Variants in RXRA observed in about 807,000 individuals in gnomAD.
RXRA encodes retinoic acid receptor RXR-alpha.
A neutral mutation model predicts 44.5 loss-of-function variants in RXRA; 5 were observed. That is an observed-to-expected ratio of 0.11 (90% CI 0.06 to 0.24). The LOEUF (loss-of-function observed/expected upper bound fraction) is 0.24, where lower values mean the gene tolerates loss of function less well. Among genes scored for constraint, RXRA ranks in the 10% least tolerant of loss-of-function variants. RXRA has a pLI of 1.00. For missense variants in RXRA, 412 were observed against 646.5 expected (o/e 0.64, Z 3.93); for synonymous variants, 291 against 271.4 (o/e 1.07, Z -0.71).
chr9:134,362,728 A>C (rs1289529953), intron 1 of RXRA, among the ~76,000 whole-genome samples: 1 of 152,100 alleles, frequency 6.6e-6, no homozygotes, highest in Non-Finnish European at 1.5e-5. Flanking sequence ...GGCCCCCACG[A>C]GTGTACCCAG....
rs13295423 is a variant in RXRA, at chr9:134,345,653, A to G, written c.28+18994A>G. Among the ~76,000 whole-genome samples, 1,194 of 152,308 alleles carry G rather than the reference A, an allele frequency of 7.8e-3. 7 individuals carry two copies. The highest frequency in any genetic ancestry group is 0.018 in the South Asian group (88 of 4,822). Reference sequence around the variant, plus strand: ...CCAGCTGCCTGCCTCCATTCTCCATAGGAACTTGTGAAACCTGGAACCGAA... The same window carrying G: ...CCAGCTGCCTGCCTCCATTCTCCATGGGAACTTGTGAAACCTGGAACCGAA... On this transcript the variant is annotated intron_variant, in intron 1 of 9. Transcript: ENST00000481739.
chr9:134,376,454 C>T (rs969667447), intron 1 of RXRA, among the ~76,000 whole-genome samples: 3 of 152,204 alleles, frequency 2.0e-5, no homozygotes, highest in African/African-American at 7.2e-5. Flanking sequence ...CCCACTGCTG[C>T]CCTGTCCTAC....
At chr9:134,409,591 G>T (rs1831114746) in intron 4 of RXRA, among the ~76,000 whole-genome samples, 1 of 152,234 alleles carries the variant, frequency 6.6e-6, no homozygotes, top group Non-Finnish European at 1.5e-5. Flanking sequence ...TTGCAGGGAA[G>T]TCCCTCCCCC....
chr9:134,399,242 G>C (rs116345402), intron 1 of RXRA, among the ~76,000 whole-genome samples: 1 of 152,240 alleles, frequency 6.6e-6, no homozygotes, highest in Non-Finnish European at 1.5e-5. Flanking sequence ...CAGTGCCCTG[G>C]TGGGCATGGT....
At chr9:134,396,815 A>G (rs745435149) in intron 1 of RXRA, among the ~76,000 whole-genome samples, 72 of 152,194 alleles carry the variant, frequency 4.7e-4, no homozygotes, top group Non-Finnish European at 8.5e-4. Context: ...TCATCTAGAC[A>G]GGTGACCTGA....
At chr9:134,345,329 G>A (rs1554748621) in intron 1 of RXRA, among the ~76,000 whole-genome samples, 1 of 152,236 alleles carries the variant, frequency 6.6e-6, no homozygotes, top group African/African-American at 2.4e-5. Flanking sequence ...GAGGTGGAAA[G>A]TTTGGGCCAA....
intron 6 of RXRA, chr9:134,425,408 T>C (rs1831415370): frequency 1.0e-6 from 1 of 984,978 alleles, no homozygotes; most frequent in South Asian, 4.7e-5. Flanking sequence ...CGCTCACAGC[T>C]TTCAGGTTTC....
intron 1 of RXRA, chr9:134,401,286 T>G (rs1262606642): frequency 5.6e-6 from 2 of 354,844 alleles, no homozygotes; most frequent in Non-Finnish European, 1.0e-5. Context: ...CACCAGCCAC[T>G]CCTCCCACTG....
Position 134,407,828 on chromosome 9 carries a change from T to C in RXRA, c.280-321T>C, listed in dbSNP as rs991913765. On this transcript the variant is annotated intron_variant, in intron 2 of 9. Transcript: ENST00000481739. The surrounding 1 kb of genome is among the most constrained non-coding windows in gnomAD (Gnocchi z 4.8). ...TCAGTAATGAGAGGCAGCTCTCATT[T>C]AGGTGGGCAGCGGGCAGGGGGTTGC... 1.4e-4 allele frequency among the ~76,000 whole-genome samples: 21 copies of C among 151,946 alleles called. No individual in the cohort carries two copies. Among genetic ancestry groups the C allele is most frequent in the African/African-American group, 4.6e-4 (19 of 41,464 alleles).
chr9:134,375,832 GA>G (rs1404093199), intron 1 of RXRA, among the ~76,000 whole-genome samples: 1 of 152,024 alleles, frequency 6.6e-6, no homozygotes, highest in Non-Finnish European at 1.5e-5. Flanking sequence ...GTGGCTGGGG[GA>G]TGCTGAGATT....
chr9:134,381,968 C>T (rs954766590), intron 1 of RXRA, among the ~76,000 whole-genome samples: 2 of 152,122 alleles, frequency 1.3e-5, no homozygotes, highest in Non-Finnish European at 1.5e-5. Context: ...ACCGCTCCCT[C>T]GGTGTAGCAG....
At chr9:134,436,022 C>T (rs964689053) in intron 9 of RXRA, among the ~76,000 whole-genome samples, 3 of 152,182 alleles carry the variant, frequency 2.0e-5, no homozygotes, top group Non-Finnish European at 4.4e-5. Flanking sequence ...TTCTCTTTTT[C>T]TTTTGTAGAG....
At chr9:134,423,349 C>T in intron 6 of RXRA, 3 of 985,488 alleles carry the variant, frequency 3.0e-6, no homozygotes, top group Non-Finnish European at 1.2e-6. Context: ...AGGCCCGCTA[C>T]CGCACTGTGG....
chr9:134,368,526 TGTGTGTGTGTATGA>T (rs1233228184), intron 1 of RXRA, among the ~76,000 whole-genome samples: 4 of 152,056 alleles, frequency 2.6e-5, no homozygotes, highest in East Asian at 3.9e-4. Context: ...TCTGTTAGGG[TGTGTGTGTGTATGA>T]GTGTGTGTGT....
At position 134,426,868 on chromosome 9, in the gene RXRA, CA is replaced by C; in HGVS notation, c.911-2239del. The C allele has an allele frequency of 1.0e-6, 1 of 985,386 alleles. No individual in the cohort carries two copies. Among genetic ancestry groups the C allele is most frequent in the Non-Finnish European group, 1.2e-6 (1 of 829,914 alleles). 61.0% of individuals were successfully genotyped at this position (985,386 alleles called of 1,614,324 possible). On this transcript the variant is annotated intron_variant, in intron 6 of 9. Transcript: ENST00000481739. This position sits in a 1 kb window ranked among gnomAD's most constrained non-coding sequence, Gnocchi z 4.6. ...CCCCCTGGGTCCCTGCCCTTGGCCA[CA>C]GGAAGTCTGTCCACACTGGGCCTGG...
chr9:134,328,948 A>G (rs562566003), intron 1 of RXRA, among the ~76,000 whole-genome samples: 1 of 152,298 alleles, frequency 6.6e-6, no homozygotes, highest in African/African-American at 2.4e-5. Flanking sequence ...CTGGAAGGAA[A>G]GCAAGGCCGA....
chr9:134,416,879 T>C (rs1267149217), intron 4 of RXRA, among the ~76,000 whole-genome samples: 2 of 152,174 alleles, frequency 1.3e-5, no homozygotes, highest in African/African-American at 2.4e-5. Flanking sequence ...TCGCCCCATG[T>C]TGGGGTCCCT....
chr9:134,422,958 A>G lies in RXRA; in HGVS notation c.910+1153A>G, dbSNP rs1239035060. 4 of 985,348 alleles carry G rather than the reference A, an allele frequency of 4.1e-6. No homozygotes were observed. The African/African-American group carries it at 7.0e-5, about 17-fold the overall frequency. The allele number at this position is 985,348 out of a possible 1,614,324, so 61.0% of individuals were successfully genotyped here. ...TCCATGCGGTAATGGTGGTGCACAG[A>G]GCCACTGCACAGAAATGCCTGCTCC... On this transcript the variant is annotated intron_variant, in intron 6 of 9. Coordinates refer to ENST00000481739, the MANE Select transcript of RXRA (RefSeq NM_002957.6).
At chr9:134,328,888 G>T (rs1268341115) in intron 1 of RXRA, among the ~76,000 whole-genome samples, 1 of 152,196 alleles carries the variant, frequency 6.6e-6, no homozygotes, top group Non-Finnish European at 1.5e-5. Context: ...ATCCCAGTCG[G>T]TGTCCACCGA....
Sources: allele counts gnomAD v4.1 joint callset (sites outside exome capture counted in the v4.1 genomes callset), GRCh38; gene constraint gnomAD v4.1.1; non-coding constraint Gnocchi (gnomAD v3.1); transcripts MANE v1.5; gene names NCBI Gene and HGNC (gene_info 2026-07-23, HGNC 2026-07-21).